ZNF334: variants seen among roughly 807,000 people sequenced by gnomAD.
ZNF334 encodes the protein zinc finger protein 334.
In ZNF334, 14 loss-of-function variants were observed where a neutral mutation model predicts 12.4. The observed-to-expected ratio is 1.13, with a 90% CI of 0.74 to 1.76. ZNF334 has a LOEUF of 1.76. Among genes scored for constraint, ZNF334 ranks in the 40% most tolerant of loss-of-function variants. The probability of loss-of-function intolerance (pLI) is 0.00; values close to 1 mark genes in which losing one functional copy is unlikely to be tolerated. For missense variants in ZNF334, 797 were observed against 804.5 expected (o/e 0.99, Z 0.11); for synonymous variants, 273 against 269.6 (o/e 1.01, Z -0.12).
At chr20:46,495,733 G>A (rs1244691881), downstream of ZNF334, among the ~76,000 whole-genome samples, 4 of 152,292 alleles carry the variant, frequency 2.6e-5, no homozygotes, top group Admixed American at 1.3e-4. Flanking sequence ...TGGGATGCAC[G>A]TGTGTTTCCA....
intron 2 of ZNF334, 51 bp downstream of exon 2, chr20:46,512,031 C>A: frequency 6.3e-7 from 1 of 1,591,072 alleles, no homozygotes; most frequent in African/African-American, 1.3e-5. Context: ...CTACTCTAAA[C>A]CTCTTGAAAT....
chr20:46,486,996 G>T, the ZNF334 span, among the ~76,000 whole-genome samples: 1 of 151,690 alleles, frequency 6.6e-6, no homozygotes, highest in Non-Finnish European at 1.5e-5. Flanking sequence ...TTGTGGAATT[G>T]AATATATTTC....
At position 46,501,789 on chromosome 20, in the gene ZNF334, T is replaced by A. The variant is rs1568853227; in HGVS notation, c.1550A>T (p.Tyr517Phe). The A allele has an allele frequency of 6.2e-7, 1 of 1,614,210 alleles. No individual in the cohort carries two copies. The highest frequency in any genetic ancestry group is 8.5e-7 in the Non-Finnish European group (1 of 1,180,024). The change falls in exon 5 of 5, where the codon TAT becomes TTT. Residue 517 changes from tyrosine to phenylalanine, a missense_variant. Coordinates refer to ENST00000692313, the MANE Select transcript of ZNF334 (RefSeq NM_001353824.2). ...GGCATGCCCATGTTCACTACACTCA[T>A]AAAGATTCTCCTTTGTGTTCATTCT... Reference protein sequence around the residue: ...CKRMNTKENLYECSEHGHAVS... With the variant: ...CKRMNTKENLFECSEHGHAVS...
the ZNF334 span, among the ~76,000 whole-genome samples, chr20:46,473,292 AGT>A: frequency 6.6e-6 from 1 of 152,186 alleles, no homozygotes; most frequent in African/African-American, 2.4e-5. Context: ...TAATTTTATT[AGT>A]CTTTTTAATA....
In ZNF334 at chr20:46,512,647, T is replaced by C. The variant is rs1045759895; in HGVS notation, c.-146A>G. The stretch of plus-strand genomic sequence containing the variant: ...TTTTGACAGTTTGGTTTCCCTTAGC[T>C]GCAGTTTCACAAGAGGACCTTTTAC... On this transcript the variant is annotated 5_prime_UTR_variant, in exon 1 of 5. Transcript: ENST00000692313. The C allele has an allele frequency of 6.6e-6, 1 of 152,394 alleles. No homozygotes were observed. Among genetic ancestry groups the C allele is most frequent in the African/African-American group, 2.4e-5 (1 of 41,472 alleles). The allele number at this position is 152,394 out of a possible 1,614,324, so 9.4% of individuals were successfully genotyped here. A position where few individuals can be genotyped will look rare whatever the true frequency, so the allele number is the denominator to read the frequency against.
At chr20:46,494,966 C>G (rs1050046875), downstream of ZNF334, among the ~76,000 whole-genome samples, 3 of 152,076 alleles carry the variant, frequency 2.0e-5, no homozygotes, top group African/African-American at 7.2e-5. Flanking sequence ...AAAAGAATAG[C>G]CATCATGTAA....
chr20:46,470,504 T>C, the ZNF334 span, among the ~76,000 whole-genome samples: 24,801 of 152,198 alleles, frequency 0.16, 2,256 homozygotes, highest in African/African-American at 0.23. Context: ...TCTCAAGGTA[T>C]ACTGCAGGTG....
chr20:46,463,321 C>T, the ZNF334 span, among the ~76,000 whole-genome samples: 1 of 152,198 alleles, frequency 6.6e-6, no homozygotes, highest in African/African-American at 2.4e-5. Context: ...GTTCTGGTTA[C>T]CCAGTAGTAT....
Position 46,502,950 on chromosome 20 carries a change from C to G in ZNF334, c.389G>C (p.Arg130Thr). The change falls in exon 5 of 5, where the codon AGA (arginine) becomes ACA (threonine). Residue 130 changes from arginine to threonine, a missense_variant. Coordinates refer to ENST00000692313, the MANE Select transcript of ZNF334 (RefSeq NM_001353824.2). ...TGGATTACATTTATAGGGCATTTTT[C>G]TTGAGGGAACACTATTCATGCCCAG... is the stretch of plus-strand genomic sequence containing the variant. ...LNLGMNSVPS[R>T]KMPYKCNPGG... 6.2e-7 allele frequency: 1 copy of G among 1,613,946 alleles called. No homozygotes were observed. The highest frequency in any genetic ancestry group is 1.1e-5 in the South Asian group (1 of 91,068).
rs373454002 is a variant in ZNF334, at chr20:46,501,564, C to T, written c.1775G>A (p.Arg592Gln). 4.0e-5 allele frequency: 64 copies of T among 1,613,644 alleles called. 1 individual carries two copies. The highest frequency in any genetic ancestry group is 1.6e-4 in the Middle Eastern group (1 of 6,082). The change falls in exon 5 of 5, where the codon CGA becomes CAA. Residue 592 changes from arginine to glutamine, a missense_variant. Physicochemically the swap from Arg to Gln is conservative, Grantham distance 43 (BLOSUM62 1). Coordinates refer to ENST00000692313, the MANE Select transcript of ZNF334 (RefSeq NM_001353824.2). Reference protein sequence around the residue: ...CQKFSFVEHQRTHTGEKPYEC... With the variant: ...CQKFSFVEHQQTHTGEKPYEC... Reference sequence around the variant, plus strand: ...ATATGGTTTCTCCCCAGTGTGAGTTCGCTGATGTTCAACAAAGGAGAACTT... The same window carrying T: ...ATATGGTTTCTCCCCAGTGTGAGTTTGCTGATGTTCAACAAAGGAGAACTT...
the ZNF334 span, among the ~76,000 whole-genome samples, chr20:46,472,054 T>C: frequency 2.0e-5 from 3 of 152,252 alleles, no homozygotes; most frequent in Non-Finnish European, 2.9e-5. Flanking sequence ...TTCATGGACA[T>C]AGTAATCACT....
chr20:46,487,754 A>G, the ZNF334 span, among the ~76,000 whole-genome samples: 1 of 152,286 alleles, frequency 6.6e-6, no homozygotes, highest in Admixed American at 6.5e-5. Context: ...CATGGTATGT[A>G]TTTTCCTAAC....
At chr20:46,483,895 A>C in the ZNF334 span, among the ~76,000 whole-genome samples, 1 of 152,180 alleles carries the variant, frequency 6.6e-6, no homozygotes, top group African/African-American at 2.4e-5. Context: ...TTTTAAATGG[A>C]GATACTATTG....
chr20:46,509,599 G>C (rs1330277070), intron 2 of ZNF334: 1 of 702,976 alleles, frequency 1.4e-6, no homozygotes, highest in Non-Finnish European at 2.6e-6. Flanking sequence ...GAATTCATCT[G>C]CCCACCTCCT....
At chr20:46,476,838 T>C in the ZNF334 span, 1 of 152,242 alleles carries the variant, frequency 6.6e-6, no homozygotes, top group Non-Finnish European at 1.5e-5. Context: ...TTTATGGCAA[T>C]GTTAAGACGT....
the ZNF334 span, chr20:46,464,636 TAC>T: frequency 2.4e-6 from 1 of 425,322 alleles, no homozygotes; most frequent in Non-Finnish European, 4.6e-6. Flanking sequence ...TCTGTGGAGA[TAC>T]ACACAGTTCT....
the ZNF334 span, among the ~76,000 whole-genome samples, chr20:46,479,145 G>A: frequency 2.6e-5 from 4 of 152,266 alleles, no homozygotes; most frequent in African/African-American, 9.6e-5. Flanking sequence ...TCAAGGTGCT[G>A]GAGAGACTGT....
rs754858480 is a variant in ZNF334 at position 46,501,469 on chromosome 20, C to T, written c.1870G>A (p.Gly624Arg). Reference protein sequence around the residue: ...AFRVHRRIHTGEKPYECNQCG... With the variant: ...AFRVHRRIHTREKPYECNQCG... ...TGATTACATTCATATGGTTTCTCTC[C>T]TGTGTGAATTCTTCTATGGACTCTG... is the stretch of plus-strand genomic sequence containing the variant. The change falls in exon 5 of 5, where the codon GGA (glycine) becomes AGA (arginine). Residue 624 changes from glycine (G) to arginine (R), a missense_variant. Transcript: ENST00000692313. The T allele has an allele frequency of 6.2e-7, 1 of 1,614,114 alleles. No individual in the cohort carries two copies. The highest frequency in any genetic ancestry group is 2.2e-5 in the East Asian group (1 of 44,876).
At chr20:46,491,463 G>A in the ZNF334 span, 1 of 153,022 alleles carries the variant, frequency 6.5e-6, no homozygotes. Flanking sequence ...CTACATCAAA[G>A]AACTCATACA....
Sources: gnomAD v4.1 joint callset for allele counts (sites outside exome capture counted in the v4.1 genomes callset) on GRCh38, gnomAD v4.1.1 for gene constraint, MANE v1.5 for transcripts, NCBI Gene and HGNC (gene_info 2026-07-23, HGNC 2026-07-21) for gene names.